Variants in TTC27 observed in about 807,000 individuals in gnomAD.
The protein encoded by TTC27 is tetratricopeptide repeat protein 27.
A neutral mutation model predicts 115.9 loss-of-function variants in TTC27; 79 were observed. The ratio of observed to expected loss-of-function variants is 0.68; its 90% CI spans 0.57 to 0.82. The LOEUF is 0.82. Among genes scored for constraint, TTC27 ranks in the 40% least tolerant of loss-of-function variants. The pLI is 0.00. For missense variants in TTC27, 1,054 were observed against 993.1 expected (o/e 1.06, Z -0.82); for synonymous variants, 401 against 356.0 (o/e 1.13, Z -1.42).
In TTC27 at chr2:32,704,804, G is replaced by C. The variant is rs375212130; in HGVS notation, c.1233+1884G>C. 76 of 464,462 alleles carry C rather than the reference G, an allele frequency of 1.6e-4. 1 individual carries two copies. The highest frequency in any genetic ancestry group is 1.2e-3 in the South Asian group (75 of 63,334). 28.8% of individuals were successfully genotyped at this position (464,462 alleles called of 1,614,324 possible). ...GATGTTTCCTCATGATTTGATTCAG[G>C]TCATAGAATTTTGGCTGTCATATTG... On this transcript the variant is annotated intron_variant, in intron 10 of 19. Coordinates refer to ENST00000317907, the MANE Select transcript of TTC27 (RefSeq NM_017735.5).
intron 9 of TTC27, among the ~76,000 whole-genome samples, chr2:32,701,662 AG>A (rs1198600024): frequency 6.6e-6 from 1 of 152,202 alleles, no homozygotes; most frequent in East Asian, 1.9e-4. Context: ...CATAGGCTGA[AG>A]GACTTCTTGC....
chr2:32,697,728 G>A (rs1427653851), intron 9 of TTC27, among the ~76,000 whole-genome samples: 3 of 152,024 alleles, frequency 2.0e-5, no homozygotes, highest in Non-Finnish European at 2.9e-5. Flanking sequence ...GGACGGTAGA[G>A]GAATTCAAGC....
Position 32,746,563 on chromosome 2 carries a change from C to CAAAAAAAAAAAAAAAAAAAAAAAAA in TTC27, c.1452+9766_1452+9767insAAAAAAAAAAAAAAAAAAAAAAAAA, listed in dbSNP as rs770621313. On this transcript the variant is annotated intron_variant, in intron 12 of 19. Coordinates refer to ENST00000317907, the MANE Select transcript of TTC27 (RefSeq NM_017735.5). ...TGGCAATAAGAGTGAAACTCCATCT[C>CAAAAAAAAAAAAAAAAAAAAAAAAA]AAAAAAAAAAAAAAAAAAAGAATGC... 1.6e-3 allele frequency among the ~76,000 whole-genome samples: 75 copies of CAAAAAAAAAAAAAAAAAAAAAAAAA among 46,292 alleles called. 5 individuals are homozygous for CAAAAAAAAAAAAAAAAAAAAAAAAA. Among genetic ancestry groups the CAAAAAAAAAAAAAAAAAAAAAAAAA allele is most frequent in the East Asian group, 3.0e-3 (3 of 1,006 alleles). The allele number at this position is 46,292 out of a possible 152,430, so 30.4% of individuals were successfully genotyped here.
chr2:32,656,985 CTTTTTT>C (rs11386617), intron 5 of TTC27, among the ~76,000 whole-genome samples: 2 of 131,446 alleles, frequency 1.5e-5, no homozygotes, highest in African/African-American at 2.8e-5. Context: ...TAGCACAATT[CTTTTTT>C]TTTTTTTTTT....
intron 1 of TTC27, 115 bp downstream of exon 1, chr2:32,628,495 C>A: frequency 9.3e-7 from 1 of 1,080,522 alleles, no homozygotes; most frequent in Non-Finnish European, 1.3e-6. Context: ...CTAGCTGATT[C>A]CTTGAGGCTT....
chr2:32,765,396 G>T (rs1183157897), intron 13 of TTC27, among the ~76,000 whole-genome samples: 1 of 150,504 alleles, frequency 6.6e-6, no homozygotes, highest in Admixed American at 6.6e-5. Flanking sequence ...CTCCACAATG[G>T]CCTTGAAATA....
At chr2:32,738,355 A>G (rs1202006328) in intron 12 of TTC27, among the ~76,000 whole-genome samples, 1 of 152,246 alleles carries the variant, frequency 6.6e-6, no homozygotes, top group Non-Finnish European at 1.5e-5. Flanking sequence ...TATGTAAAGT[A>G]CGTACTCTAG....
intron 9 of TTC27, among the ~76,000 whole-genome samples, chr2:32,687,162 A>T (rs1360619408): frequency 1.3e-5 from 2 of 152,144 alleles, no homozygotes; most frequent in African/African-American, 4.8e-5. Context: ...GTATTTTCTA[A>T]CATATTTAGA....
At chr2:32,708,425 C>A (rs747721501) in intron 10 of TTC27, among the ~76,000 whole-genome samples, 6 of 149,748 alleles carry the variant, frequency 4.0e-5, no homozygotes, top group Non-Finnish European at 8.9e-5. Context: ...GATTCTCTTG[C>A]CTCAACCTTC....
At chr2:32,710,427 CT>C (rs10651873) in intron 10 of TTC27, among the ~76,000 whole-genome samples, 181 of 129,806 alleles carry the variant, frequency 1.4e-3, no homozygotes, top group East Asian at 8.1e-3. Flanking sequence ...AAGTATATAG[CT>C]TTTTTTTTTT....
chr2:32,664,864 G>A (rs1435714338), intron 6 of TTC27, among the ~76,000 whole-genome samples: 3 of 146,490 alleles, frequency 2.0e-5, no homozygotes, highest in Non-Finnish European at 3.0e-5. Context: ...ACCGAGTCTC[G>A]CTCTGTCGCC....
chr2:32,714,161 GC>G (rs1244486786), intron 10 of TTC27, among the ~76,000 whole-genome samples: 1 of 132,120 alleles, frequency 7.6e-6, no homozygotes, highest in Non-Finnish European at 1.7e-5. Flanking sequence ...CCGCCCCCCC[GC>G]CTTTTTTTTT....
intron 4 of TTC27, among the ~76,000 whole-genome samples, chr2:32,644,244 C>T (rs1664762589): frequency 6.8e-6 from 1 of 148,112 alleles, no homozygotes; most frequent in Non-Finnish European, 1.5e-5. Context: ...CCTAGCTACT[C>T]AAGAGGCTGA....
rs191191965 is a variant in TTC27 at position 32,722,980 on chromosome 2, T to G, written c.1234-10848T>G. 2.0e-3 allele frequency among the ~76,000 whole-genome samples: 297 copies of G among 152,184 alleles called. 1 individual carries two copies. The highest frequency in any genetic ancestry group is 3.3e-3 in the South Asian group (16 of 4,808). ...CCTGAGAATAGAGGGGTAAAAAATATGCAACGAGTAGCTTATAGGTAAGTG... is the reference window on the plus strand; with the variant it reads ...CCTGAGAATAGAGGGGTAAAAAATAGGCAACGAGTAGCTTATAGGTAAGTG... On this transcript the variant is annotated intron_variant, in intron 10 of 19. Coordinates refer to ENST00000317907, the MANE Select transcript of TTC27 (RefSeq NM_017735.5).
At chr2:32,801,415 C>T (rs1384261730) in intron 16 of TTC27, among the ~76,000 whole-genome samples, 1 of 152,164 alleles carries the variant, frequency 6.6e-6, no homozygotes, top group Non-Finnish European at 1.5e-5. Flanking sequence ...ACCCTAACTC[C>T]AATCACTGCC....
At chr2:32,723,689 C>CTCCT (rs1182021891) in intron 10 of TTC27, among the ~76,000 whole-genome samples, 5,860 of 84,858 alleles carry the variant, frequency 0.069, 959 homozygotes, top group African/African-American at 0.16. Context: ...TTAGACTCAG[C>CTCCT]TCCTTCCTCC....
chr2:32,774,846 TG>T (rs1437743315), intron 13 of TTC27, among the ~76,000 whole-genome samples: 1 of 152,212 alleles, frequency 6.6e-6, no homozygotes, highest in Non-Finnish European at 1.5e-5. Context: ...TTTCCCTTCT[TG>T]TTGTCAGTAG....
At chr2:32,786,169 T>C (rs1670341920) in intron 15 of TTC27, among the ~76,000 whole-genome samples, 1 of 152,118 alleles carries the variant, frequency 6.6e-6, no homozygotes, top group South Asian at 2.1e-4. Flanking sequence ...TTGCCCAGGC[T>C]GGAGTGCAGG....
At chr2:32,650,313 T>C in intron 5 of TTC27, 80 bp downstream of exon 5, 1 of 1,070,256 alleles carries the variant, frequency 9.3e-7, no homozygotes. Flanking sequence ...TTTAGTTTAT[T>C]TTTTGTCCGG....
Sources: allele counts gnomAD v4.1 joint callset (sites outside exome capture counted in the v4.1 genomes callset), GRCh38; gene constraint gnomAD v4.1.1; transcripts MANE v1.5; gene names NCBI Gene and HGNC (gene_info 2026-07-23, HGNC 2026-07-21).